Variants in KHDRBS2 observed in about 807,000 individuals in gnomAD.
KHDRBS2 encodes KH domain-containing, RNA-binding, signal transduction-associated protein 2.
KHDRBS2 carries 26 observed loss-of-function variants against 44.3 expected under a neutral mutation model. That is an observed-to-expected ratio of 0.59 (90% CI 0.43 to 0.81). KHDRBS2 has a LOEUF of 0.81. Among genes scored for constraint, KHDRBS2 ranks in the 40% least tolerant of loss-of-function variants. The pLI is 0.00. For synonymous variants in KHDRBS2, 194 were observed against 151.1 expected (o/e 1.28, Z -2.08); for missense variants, 476 against 433.1 (o/e 1.10, Z -0.88).
intron 6 of KHDRBS2, among the ~76,000 whole-genome samples, chr6:61,868,398 G>A (rs1442028723): frequency 1.3e-5 from 2 of 152,134 alleles, no homozygotes; most frequent in Admixed American, 6.6e-5. Context: ...TACCAGCGAC[G>A]GTGGCTGTAG....
chr6:61,769,663 T>G (rs755603129), intron 6 of KHDRBS2, among the ~76,000 whole-genome samples: 2 of 152,192 alleles, frequency 1.3e-5, no homozygotes, highest in Non-Finnish European at 2.9e-5. Flanking sequence ...GTTACTTGTT[T>G]GATTAGGTAA....
the KHDRBS2 span, among the ~76,000 whole-genome samples, chr6:61,573,470 A>C: frequency 2.6e-5 from 4 of 152,052 alleles, no homozygotes; most frequent in Non-Finnish European, 4.4e-5. Flanking sequence ...GAAAAAAAAG[A>C]AACAACTTAA....
chr6:61,745,159 TTGG>T (rs1276480098), intron 6 of KHDRBS2, among the ~76,000 whole-genome samples: 2 of 152,106 alleles, frequency 1.3e-5, no homozygotes, highest in African/African-American at 4.8e-5. Flanking sequence ...AACTTGGCGC[TTGG>T]TGGGGACAAA....
At chr6:62,183,399 T>C (rs983436735) in intron 1 of KHDRBS2, among the ~76,000 whole-genome samples, 4 of 151,694 alleles carry the variant, frequency 2.6e-5, no homozygotes, top group East Asian at 1.9e-4. Flanking sequence ...TAGAGCTATA[T>C]AGAACTAAAT....
chr6:61,778,240 G>A (rs1352136404), intron 6 of KHDRBS2, among the ~76,000 whole-genome samples: 4 of 152,228 alleles, frequency 2.6e-5, no homozygotes, highest in East Asian at 1.9e-4. Flanking sequence ...GTTTAACTCC[G>A]TGGATGAACA....
rs1235710992 is a variant in KHDRBS2, at chr6:62,286,219, A to G, written c.-271T>C. On this transcript the variant is annotated 5_prime_UTR_variant, in exon 1 of 9. Coordinates refer to ENST00000281156, the MANE Select transcript of KHDRBS2 (RefSeq NM_152688.4). The stretch of plus-strand genomic sequence containing the variant: ...AGCGGCCTTAACTGGAGAGGCGGGA[A>G]CAGGACGCGGCCCACCTCCGCCAAC... The G allele has an allele frequency of 2.5e-5, 12 of 470,926 alleles. No homozygotes were observed. The highest frequency in any genetic ancestry group is 4.4e-5 in the Admixed American group (1 of 22,514). The allele number at this position is 470,926 out of a possible 1,614,324, so 29.2% of individuals were successfully genotyped here.
At chr6:61,852,942 C>T (rs1397604276) in intron 6 of KHDRBS2, among the ~76,000 whole-genome samples, 13 of 152,110 alleles carry the variant, frequency 8.5e-5, no homozygotes. Context: ...CCCACCATAC[C>T]TAACCATTTA....
At chr6:61,740,594 A>G (rs1776001074) in intron 6 of KHDRBS2, among the ~76,000 whole-genome samples, 1 of 151,936 alleles carries the variant, frequency 6.6e-6, no homozygotes, top group Non-Finnish European at 1.5e-5. Context: ...TAGTTACTGT[A>G]AAGTCCCTGA....
intron 1 of KHDRBS2, among the ~76,000 whole-genome samples, chr6:62,219,371 CATAA>C (rs555993402): frequency 6.9e-4 from 104 of 151,714 alleles, no homozygotes; most frequent in African/African-American, 2.4e-3. Flanking sequence ...TGGAAAAAAC[CATAA>C]ATAAATAATA....
intron 3 of KHDRBS2, among the ~76,000 whole-genome samples, chr6:62,044,253 A>T (rs1787180755): frequency 1.3e-5 from 2 of 152,082 alleles, no homozygotes; most frequent in Admixed American, 1.3e-4. Context: ...TCACTTGAGG[A>T]TCACTTGAAT....
At chr6:61,595,400 C>A in the KHDRBS2 span, among the ~76,000 whole-genome samples, 1 of 152,220 alleles carries the variant, frequency 6.6e-6, no homozygotes, top group South Asian at 2.1e-4. Context: ...CTTTCCCTAA[C>A]TTTCTGTATC....
chr6:61,698,535 G>C (rs1768181560), intron 7 of KHDRBS2, among the ~76,000 whole-genome samples: 1 of 152,044 alleles, frequency 6.6e-6, no homozygotes, highest in African/African-American at 2.4e-5. Flanking sequence ...TGATTGCTCT[G>C]TTTCTATTAT....
the KHDRBS2 span, among the ~76,000 whole-genome samples, chr6:61,661,049 T>C: frequency 6.6e-6 from 1 of 151,838 alleles, no homozygotes; most frequent in East Asian, 1.9e-4. Flanking sequence ...ACACAGAAAT[T>C]GTGTGCATAT....
chr6:61,594,934 A>C, the KHDRBS2 span, among the ~76,000 whole-genome samples: 1 of 152,132 alleles, frequency 6.6e-6, no homozygotes, highest in Non-Finnish European at 1.5e-5. Context: ...CACAGTGATA[A>C]TGAAAAGGTT....
intron 6 of KHDRBS2, among the ~76,000 whole-genome samples, chr6:61,843,927 T>C (rs1793983462): frequency 6.6e-6 from 1 of 152,216 alleles, no homozygotes. Context: ...CCCTTAATTC[T>C]ATTTGATTTT....
rs1249990520 is a variant in KHDRBS2, at chr6:62,116,269, C to T, written c.219+60916G>A. On this transcript the variant is annotated intron_variant, in intron 2 of 8. Coordinates refer to ENST00000281156, the MANE Select transcript of KHDRBS2 (RefSeq NM_152688.4). ...ATACATTATTATTAACTATAGTCAC[C>T]GTGCTGTGGAATAGCTTTCCAAAAA... is the stretch of plus-strand genomic sequence containing the variant. Among the ~76,000 whole-genome samples the T allele has an allele frequency of 5.3e-5, 8 of 152,126 alleles. No individual in the cohort carries two copies. In the South Asian group the frequency reaches 1.7e-3, roughly 32 times the overall value.
chr6:61,771,892 C>G (rs1780979299), intron 6 of KHDRBS2, among the ~76,000 whole-genome samples: 1 of 152,176 alleles, frequency 6.6e-6, no homozygotes, highest in Non-Finnish European at 1.5e-5. Context: ...ACATTCTTTT[C>G]AGCACCACAC....
intron 1 of KHDRBS2, among the ~76,000 whole-genome samples, chr6:62,212,599 TAA>T (rs1314645127): frequency 1.3e-5 from 2 of 152,096 alleles, no homozygotes; most frequent in Non-Finnish European, 2.9e-5. Flanking sequence ...AGTGTCCTTA[TAA>T]AAAGAGGACA....
the KHDRBS2 span, among the ~76,000 whole-genome samples, chr6:61,562,791 C>A: frequency 6.6e-6 from 1 of 152,206 alleles, no homozygotes; most frequent in East Asian, 1.9e-4. Context: ...CTGGATAAAG[C>A]CACATAGCTA....
Sources: gnomAD v4.1 joint callset for allele counts (sites outside exome capture counted in the v4.1 genomes callset) on GRCh38, gnomAD v4.1.1 for gene constraint, MANE v1.5 for transcripts, NCBI Gene and HGNC (gene_info 2026-07-23, HGNC 2026-07-21) for gene names.